Variants in PXT1 observed in about 807,000 individuals in gnomAD.
PXT1 encodes peroxisomal testis enriched protein 1.
Under a neutral mutation model 11.0 loss-of-function variants are expected in PXT1, and 11 were observed. The ratio of observed to expected loss-of-function variants is 1.00; its 90% CI spans 0.63 to 1.66. PXT1 has a LOEUF of 1.66. PXT1 is among the 40% of genes most tolerant of loss of function. The pLI, the probability that PXT1 is intolerant of heterozygous loss-of-function variation, is 0.00. For synonymous variants in PXT1, 43 were observed against 51.4 expected, an observed-to-expected ratio of 0.84 and a Z score of 0.70; for missense variants, 141 against 155.5, an observed-to-expected ratio of 0.91 and a Z score of 0.49.
At chr6:36,437,002 G>C (rs1330054145) in intron 2 of PXT1, among the ~76,000 whole-genome samples, 3 of 152,044 alleles carry the variant, frequency 2.0e-5, no homozygotes, top group Non-Finnish European at 4.4e-5. Flanking sequence ...TTCAAATATA[G>C]AGGCCAAGTG....
chr6:36,431,333 A>G (rs1202616778), intron 2 of PXT1, among the ~76,000 whole-genome samples: 1 of 152,224 alleles, frequency 6.6e-6, no homozygotes, highest in Non-Finnish European at 1.5e-5. Flanking sequence ...ACAATGAAAA[A>G]TATTGATCTT....
chr6:36,418,212 A>G (rs1774478733), intron 3 of PXT1, among the ~76,000 whole-genome samples: 1 of 151,772 alleles, frequency 6.6e-6, no homozygotes, highest in Admixed American at 6.6e-5. Context: ...AAAAAAAAGT[A>G]AATTTGTTAG....
chr6:36,433,884 C>T (rs78440585), intron 2 of PXT1, among the ~76,000 whole-genome samples: 2,059 of 149,410 alleles, frequency 0.014, 45 homozygotes, highest in African/African-American at 0.045. Flanking sequence ...AAATGCAATT[C>T]TGAAGTGAGA....
At chr6:36,408,666 G>A (rs555504570) in intron 3 of PXT1, among the ~76,000 whole-genome samples, 1 of 140,790 alleles carries the variant, frequency 7.1e-6, no homozygotes, top group South Asian at 2.2e-4. Context: ...AGGAGTTCAG[G>A]ACCAGCCTAG....
intron 1 of PXT1, among the ~76,000 whole-genome samples, chr6:36,440,363 G>T (rs998051672): frequency 6.6e-6 from 1 of 152,174 alleles, no homozygotes; most frequent in Non-Finnish European, 1.5e-5. Flanking sequence ...GAGGTCAGGA[G>T]ATCGAGACCA....
At chr6:36,413,520 G>C (rs563280999) in intron 3 of PXT1, among the ~76,000 whole-genome samples, 2 of 152,038 alleles carry the variant, frequency 1.3e-5, no homozygotes, top group Non-Finnish European at 2.9e-5. Context: ...AAACACCAAG[G>C]ATAAATAGAA....
At chr6:36,429,503 C>CTTTTTTTTT (rs1774658180) in intron 2 of PXT1, among the ~76,000 whole-genome samples, 2 of 104,242 alleles carry the variant, frequency 1.9e-5, no homozygotes, top group African/African-American at 4.5e-5. Flanking sequence ...TTCTTTTTTT[C>CTTTTTTTTT]TTTTCTTTTT....
intron 3 of PXT1, among the ~76,000 whole-genome samples, chr6:36,407,772 A>AT (rs1402006200): frequency 6.6e-6 from 1 of 152,006 alleles, no homozygotes; most frequent in Non-Finnish European, 1.5e-5. Flanking sequence ...CTAGATAGAG[A>AT]TTTTCCCTCC....
At chr6:36,425,826 A>G in intron 3 of PXT1, 88 bp downstream of exon 3, 2 of 442,164 alleles carry the variant, frequency 4.5e-6, no homozygotes, top group South Asian at 3.0e-5. Flanking sequence ...ATATATATAT[A>G]TATTTAATGT....
At chr6:36,417,899 T>C (rs1422595672) in intron 3 of PXT1, among the ~76,000 whole-genome samples, 1 of 152,074 alleles carries the variant, frequency 6.6e-6, no homozygotes, top group African/African-American at 2.4e-5. Flanking sequence ...CTTGGAGGCT[T>C]AAAAAGTAAT....
At chr6:36,433,425 C>A (rs373789842) in intron 2 of PXT1, among the ~76,000 whole-genome samples, 1 of 152,084 alleles carries the variant, frequency 6.6e-6, no homozygotes, top group South Asian at 2.1e-4. Flanking sequence ...CAGGAAAAGT[C>A]ATGAGAAGAT....
chr6:36,426,182 C>A, intron 2 of PXT1, 91 bp from the exon 3 acceptor site: 2 of 797,724 alleles, frequency 2.5e-6, no homozygotes, highest in Non-Finnish European at 1.9e-6. Flanking sequence ...ACAATATCAG[C>A]AGCATTTATT....
intron 3 of PXT1, among the ~76,000 whole-genome samples, chr6:36,404,084 C>G (rs972940426): frequency 4.6e-5 from 7 of 151,800 alleles, no homozygotes; most frequent in Non-Finnish European, 1.0e-4. Context: ...ACAAGATAGG[C>G]AAAGGAACAA....
chr6:36,431,684 T>G (rs1403291377), intron 2 of PXT1, among the ~76,000 whole-genome samples: 1 of 152,168 alleles, frequency 6.6e-6, no homozygotes, highest in African/African-American at 2.4e-5. Flanking sequence ...GAAGGATCAC[T>G]TGAGTCTGGG....
chr6:36,439,750 G>A (rs1774828560), intron 1 of PXT1, among the ~76,000 whole-genome samples: 1 of 151,828 alleles, frequency 6.6e-6, no homozygotes, highest in Middle Eastern at 3.2e-3. Flanking sequence ...GCCAGTACAT[G>A]GGATACGAAG....
chr6:36,433,594 T>C (rs369040784), intron 2 of PXT1, among the ~76,000 whole-genome samples: 2,075 of 150,548 alleles, frequency 0.014, 46 homozygotes, highest in African/African-American at 0.046. Flanking sequence ...CCGAGGCGGG[T>C]GGATCACGAG....
chr6:36,410,982 A>G (rs1196234799), intron 3 of PXT1, among the ~76,000 whole-genome samples: 1 of 152,254 alleles, frequency 6.6e-6, no homozygotes, highest in African/African-American at 2.4e-5. Context: ...CTTCATTTGT[A>G]AAATGGCAAT....
intron 3 of PXT1, among the ~76,000 whole-genome samples, chr6:36,401,025 C>G (rs1043115407): frequency 6.6e-6 from 1 of 151,836 alleles, no homozygotes; most frequent in Non-Finnish European, 1.5e-5. Context: ...AAAGCAAAGC[C>G]TATCTATTGG....
intron 3 of PXT1, among the ~76,000 whole-genome samples, chr6:36,424,468 C>G (rs533102618): frequency 1.3e-5 from 2 of 151,686 alleles, no homozygotes; most frequent in African/African-American, 4.8e-5. Context: ...GGTGAAACCC[C>G]GTCTCTACTA....
Sources: allele counts gnomAD v4.1 joint callset (sites outside exome capture counted in the v4.1 genomes callset), GRCh38; gene constraint gnomAD v4.1.1; transcripts MANE v1.5; gene names NCBI Gene and HGNC (gene_info 2026-07-23, HGNC 2026-07-21).